TNFRSF19: variants seen among roughly 807,000 people sequenced by gnomAD.
TNFRSF19 encodes tumor necrosis factor receptor superfamily member 19.
TNFRSF19 carries 27 observed loss-of-function variants against 46.4 expected under a neutral mutation model. The observed-to-expected ratio is 0.58, with a 90% CI of 0.43 to 0.80. TNFRSF19 has a LOEUF of 0.80. Ranked by LOEUF, TNFRSF19 falls within the 30% of genes least tolerant of loss-of-function variation. TNFRSF19 has a pLI of 0.00. For synonymous variants in TNFRSF19, 204 were observed against 205.0 expected (o/e 1.00, Z 0.04); for missense variants, 511 against 530.8 (o/e 0.96, Z 0.37).
chr13:23,636,174 G>A (rs1045501764), intron 5 of TNFRSF19, among the ~76,000 whole-genome samples: 6 of 152,120 alleles, frequency 3.9e-5, no homozygotes, highest in Admixed American at 3.3e-4. Flanking sequence ...AGAGACCAAC[G>A]GGTTATGTTA....
rs552152817 is a variant in TNFRSF19 at position 23,595,968 on chromosome 13, AG to A, written c.180+2514del. 4.6e-5 allele frequency among the ~76,000 whole-genome samples: 7 copies of A among 152,350 alleles called. No homozygotes were observed. The East Asian group carries it at 9.6e-4, about 21-fold the overall frequency. ...GGGGGCCAGTATTCCACATTCTTAA[AG>A]AAAAGAATTTTCAACCCAGAATTTC... On this transcript the variant is annotated intron_variant, in intron 3 of 9. Coordinates refer to ENST00000248484, the MANE Select transcript of TNFRSF19 (RefSeq NM_148957.4).
chr13:23,594,170 G>A, intron 3 of TNFRSF19: 1 of 437,878 alleles, frequency 2.3e-6, no homozygotes, highest in South Asian at 1.6e-5. Context: ...CACAAAACTG[G>A]GCAGCTGTTT....
intron 1 of TNFRSF19, among the ~76,000 whole-genome samples, chr13:23,577,010 G>A (rs946754054): frequency 1.3e-5 from 2 of 152,220 alleles, no homozygotes. Flanking sequence ...TGGCTATTTA[G>A]TAAGTGCTAG....
At chr13:23,599,145 G>A (rs1258299104) in intron 3 of TNFRSF19, among the ~76,000 whole-genome samples, 1 of 152,174 alleles carries the variant, frequency 6.6e-6, no homozygotes, top group Non-Finnish European at 1.5e-5. Context: ...ATTAACAGTA[G>A]CATCTCAACA....
chr13:23,655,343 A>G (rs1883913471), intron 5 of TNFRSF19, among the ~76,000 whole-genome samples: 3 of 152,234 alleles, frequency 2.0e-5, no homozygotes, highest in Non-Finnish European at 4.4e-5. Context: ...CTTGCTCTGA[A>G]GTAAATTGCT....
chr13:23,669,832 T>C, intron 9 of TNFRSF19: 1 of 504,412 alleles, frequency 2.0e-6, no homozygotes, highest in Non-Finnish European at 2.6e-6. Context: ...CTAATGTTTG[T>C]AAACATTTCC....
chr13:23,665,567 A>G (rs1951613406), intron 7 of TNFRSF19, among the ~76,000 whole-genome samples: 1 of 69,582 alleles, frequency 1.4e-5, no homozygotes, highest in African/African-American at 4.8e-5. Context: ...CTTTACCGAG[A>G]TTCCCCAAAT....
intron 1 of TNFRSF19, among the ~76,000 whole-genome samples, chr13:23,579,199 A>G (rs1051748264): frequency 1.3e-5 from 2 of 152,086 alleles, no homozygotes; most frequent in African/African-American, 2.4e-5. Flanking sequence ...GGGGGCCTCC[A>G]AAGAACCCAG....
At chr13:23,639,626 C>G (rs1267026240) in intron 5 of TNFRSF19, among the ~76,000 whole-genome samples, 1 of 152,172 alleles carries the variant, frequency 6.6e-6, no homozygotes, top group Non-Finnish European at 1.5e-5. Flanking sequence ...GGTGCTTCTT[C>G]CCTAGGTAGC....
At chr13:23,645,725 C>G (rs1883292185) in intron 5 of TNFRSF19, among the ~76,000 whole-genome samples, 2 of 152,196 alleles carry the variant, frequency 1.3e-5, no homozygotes, top group Non-Finnish European at 2.9e-5. Context: ...CAGTCCCTGG[C>G]TTTGGACGTT....
chr13:23,637,987 C>T (rs1882794717), intron 5 of TNFRSF19, among the ~76,000 whole-genome samples: 1 of 152,256 alleles, frequency 6.6e-6, no homozygotes, highest in Non-Finnish European at 1.5e-5. Flanking sequence ...TTTCTGGTCT[C>T]TGTTGGATTC....
In TNFRSF19 at chr13:23,637,702, T is replaced by G. The variant is rs530285857; in HGVS notation, c.445+10910T>G. 2.3e-4 allele frequency among the ~76,000 whole-genome samples: 35 copies of G among 152,346 alleles called. No homozygotes were observed. The South Asian group carries it at 2.9e-3, about 13-fold the overall frequency. On this transcript the variant is annotated intron_variant, in intron 5 of 9. Transcript: ENST00000248484. ...AGTTAATGGGTGGAAATAATTTGAG[T>G]GTCATCATCTGAGAATAATTTCACA... is the stretch of plus-strand genomic sequence containing the variant.
chr13:23,651,101 G>A (rs2138365099), intron 5 of TNFRSF19, among the ~76,000 whole-genome samples: 2 of 152,290 alleles, frequency 1.3e-5, no homozygotes, highest in African/African-American at 4.8e-5. Flanking sequence ...TAAGATTGAA[G>A]AGAGCTCTTT....
rs149243804 is a variant in TNFRSF19, at chr13:23,613,930, C to G, written c.181-1937C>G. On this transcript the variant is annotated intron_variant, in intron 3 of 9. Coordinates refer to ENST00000248484, the MANE Select transcript of TNFRSF19 (RefSeq NM_148957.4). ...ATGCATCTTTATTGTTTTCCTATTACAAGAGTAATGGATGCTTTTTGCAAA... is the reference window on the plus strand; with the variant it reads ...ATGCATCTTTATTGTTTTCCTATTAGAAGAGTAATGGATGCTTTTTGCAAA... 2.7e-3 allele frequency among the ~76,000 whole-genome samples: 418 copies of G among 152,296 alleles called. 2 individuals are homozygous for G. Among genetic ancestry groups the G allele is most frequent in the Non-Finnish European group, 5.3e-3 (361 of 68,022 alleles).
chr13:23,625,974 T>C (rs1881973544), intron 4 of TNFRSF19, among the ~76,000 whole-genome samples: 1 of 152,238 alleles, frequency 6.6e-6, no homozygotes, highest in Admixed American at 6.5e-5. Flanking sequence ...AATTTTTAAA[T>C]TATGAAACAT....
chr13:23,599,972 A>G (rs1318923595), intron 3 of TNFRSF19, among the ~76,000 whole-genome samples: 8 of 152,186 alleles, frequency 5.3e-5, no homozygotes, highest in African/African-American at 1.9e-4. Context: ...TTCCTCAAAC[A>G]TTCTTCTTTT....
intron 3 of TNFRSF19, among the ~76,000 whole-genome samples, chr13:23,605,712 G>GT (rs558269070): frequency 8.5e-4 from 129 of 152,290 alleles, no homozygotes; most frequent in African/African-American, 3.0e-3. Context: ...AATTGGAAAA[G>GT]TCTGCTTCCT....
intron 4 of TNFRSF19, among the ~76,000 whole-genome samples, chr13:23,622,593 T>G (rs1881741103): frequency 6.6e-6 from 1 of 152,168 alleles, no homozygotes; most frequent in Admixed American, 6.5e-5. Flanking sequence ...ACAATTAGAA[T>G]TCTTTATTTT....
At chr13:23,572,481 T>A (rs1276832247) in intron 1 of TNFRSF19, among the ~76,000 whole-genome samples, 3 of 152,218 alleles carry the variant, frequency 2.0e-5, no homozygotes, top group Non-Finnish European at 4.4e-5. Context: ...GCTCATTTAG[T>A]TCAGATTTGG....
Sources: allele counts gnomAD v4.1 joint callset (sites outside exome capture counted in the v4.1 genomes callset), GRCh38; gene constraint gnomAD v4.1.1; transcripts MANE v1.5; gene names NCBI Gene and HGNC (gene_info 2026-07-23, HGNC 2026-07-21).